The following IFT80 variants were observed in gnomAD, a reference collection of about 807,000 sequenced individuals.
IFT80 encodes intraflagellar transport 80, also known as intraflagellar transport protein 80 homolog.
A neutral mutation model predicts 107.9 loss-of-function variants in IFT80; 79 were observed. That is an observed-to-expected ratio of 0.73 (90% CI 0.61 to 0.88). The LOEUF (loss-of-function observed/expected upper bound fraction) is 0.88, where lower values mean the gene tolerates loss of function less well. IFT80 is among the 40% of genes least tolerant of loss of function. The pLI is 0.00. For synonymous variants in IFT80, 299 were observed against 300.9 expected, an observed-to-expected ratio of 0.99 and a Z score of 0.07; for missense variants, 797 against 914.2, an observed-to-expected ratio of 0.87 and a Z score of 1.65.
chr3:160,391,886 C>T (rs1713412735), intron 1 of IFT80, among the ~76,000 whole-genome samples: 1 of 152,192 alleles, frequency 6.6e-6, no homozygotes, highest in South Asian at 2.1e-4. Flanking sequence ...TCATCAACAG[C>T]TAATCCTAAT....
intron 19 of IFT80, among the ~76,000 whole-genome samples, chr3:160,264,933 A>G (rs1713179737): frequency 6.6e-6 from 1 of 152,020 alleles, no homozygotes; most frequent in South Asian, 2.1e-4. Flanking sequence ...AGCTTCTACT[A>G]TTCATCCTCT....
chr3:160,372,569 T>C (rs1054744823), intron 5 of IFT80, among the ~76,000 whole-genome samples: 2 of 152,204 alleles, frequency 1.3e-5, no homozygotes, highest in African/African-American at 4.8e-5. Context: ...ATCAGATGCA[T>C]AGTTCTACAG....
At chr3:160,287,871 T>C (rs745827738) in intron 12 of IFT80, among the ~76,000 whole-genome samples, 13 of 152,168 alleles carry the variant, frequency 8.5e-5, no homozygotes, top group South Asian at 2.1e-4. Context: ...GGGAAAGATA[T>C]TGGATTCTTG....
chr3:160,273,417 G>A (rs1250300271), intron 18 of IFT80, among the ~76,000 whole-genome samples: 1 of 152,156 alleles, frequency 6.6e-6, no homozygotes, highest in African/African-American at 2.4e-5. Flanking sequence ...GATCAGTGAT[G>A]ACATTAAGCA....
intron 8 of IFT80, among the ~76,000 whole-genome samples, chr3:160,329,867 T>C (rs564183448): frequency 1.4e-4 from 22 of 152,284 alleles, no homozygotes; most frequent in Admixed American, 1.1e-3. Flanking sequence ...AGGGTCCTCA[T>C]CCATGAACCT....
At chr3:160,353,576 TC>T (rs1314089187) in intron 8 of IFT80, among the ~76,000 whole-genome samples, 1 of 152,220 alleles carries the variant, frequency 6.6e-6, no homozygotes. Flanking sequence ...ACAAGAGGTT[TC>T]TTTTGCCTGT....
chr3:160,354,666 T>TA (rs775996435), intron 8 of IFT80, among the ~76,000 whole-genome samples: 37 of 151,578 alleles, frequency 2.4e-4, no homozygotes, highest in East Asian at 3.9e-4. Flanking sequence ...AATAAATAAA[T>TA]AAATAAAATA....
At chr3:160,299,445 G>C (rs1716239898) in intron 12 of IFT80, among the ~76,000 whole-genome samples, 1 of 152,076 alleles carries the variant, frequency 6.6e-6, no homozygotes, top group African/African-American at 2.4e-5. Flanking sequence ...AGATTTTTTG[G>C]TAACAGTAAT....
At chr3:160,275,220 C>T (rs935596066) in intron 18 of IFT80, among the ~76,000 whole-genome samples, 1 of 152,144 alleles carries the variant, frequency 6.6e-6, no homozygotes, top group Non-Finnish European at 1.5e-5. Context: ...ATTTCAACCT[C>T]TGTATGTTCC....
chr3:160,344,969 G>A (rs1022044597), intron 8 of IFT80, among the ~76,000 whole-genome samples: 12 of 152,098 alleles, frequency 7.9e-5, no homozygotes, highest in Admixed American at 4.6e-4. Flanking sequence ...TGGAGGGAAG[G>A]GAACACTCAT....
At chr3:160,303,695 AT>A (rs1285951164) in intron 11 of IFT80, among the ~76,000 whole-genome samples, 1 of 152,172 alleles carries the variant, frequency 6.6e-6, no homozygotes, top group African/African-American at 2.4e-5. Flanking sequence ...ACCCTGAATA[AT>A]TTTCTAAGAC....
In IFT80 at chr3:160,349,066, T is replaced by G. The variant is rs543171830; in HGVS notation, c.777+6947A>C. Among the ~76,000 whole-genome samples the G allele has an allele frequency of 1.2e-4, 18 of 152,224 alleles. No individual in the cohort carries two copies. In the South Asian group the frequency reaches 3.5e-3, roughly 30 times the overall value. On this transcript the variant is annotated intron_variant, in intron 8 of 19. Transcript: ENST00000326448. ...ACACTTTTTTTAATTGGGTACATTT[T>G]AAATGGGTAAAATGTGTCATATACA...
intron 6 of IFT80, among the ~76,000 whole-genome samples, chr3:160,363,406 G>A (rs960498053): frequency 6.6e-6 from 1 of 152,096 alleles, no homozygotes; most frequent in African/African-American, 2.4e-5. Flanking sequence ...TTATAGATAC[G>A]AGGAATCAGT....
chr3:160,267,487 G>A (rs928636826), intron 19 of IFT80, among the ~76,000 whole-genome samples: 1 of 152,148 alleles, frequency 6.6e-6, no homozygotes, highest in African/African-American at 2.4e-5. Flanking sequence ...ATAAATGAAT[G>A]AATAAAAGGC....
rs763798508 is a variant in IFT80, at chr3:160,268,460, A to G, written c.2176T>C (p.Phe726Leu). Residue 726 changes from phenylalanine (F) to leucine (L), a missense_variant, in exon 19 of 20, where the codon TTT becomes CTT. Coordinates refer to ENST00000326448, the MANE Select transcript of IFT80 (RefSeq NM_020800.3). ...LAYRQKFLET[F>L]GKQETNKRYL... The stretch of plus-strand genomic sequence containing the variant: ...CGTTTATTAGTTTCCTGTTTACCAA[A>G]TGTCTCCAAAAACTTTTGACGGTAA... 2 of 1,613,436 alleles carry G rather than the reference A, an allele frequency of 1.2e-6. No individual in the cohort carries two copies. The highest frequency in any genetic ancestry group is 2.2e-5 in the South Asian group (2 of 91,078).
intron 3 of IFT80, chr3:160,377,742 G>C: frequency 2.5e-6 from 1 of 403,662 alleles, no homozygotes; most frequent in East Asian, 4.5e-5. Context: ...AAATGCATAT[G>C]CTTACGTGGT....
chr3:160,365,496 C>T (rs1356662094), intron 6 of IFT80, among the ~76,000 whole-genome samples: 1 of 152,052 alleles, frequency 6.6e-6, no homozygotes. Flanking sequence ...TTCCTGGTCT[C>T]CTTGGTTGAC....
At chr3:160,301,140 T>G in intron 11 of IFT80, 94 bp from the exon 12 acceptor site, 2 of 1,173,296 alleles carry the variant, frequency 1.7e-6, no homozygotes, top group Non-Finnish European at 2.4e-6. Flanking sequence ...GGAAAAAAAA[T>G]CTAAATCTTA....
intron 12 of IFT80, chr3:160,299,335 G>C: frequency 3.2e-6 from 2 of 620,540 alleles, no homozygotes; most frequent in South Asian, 3.5e-5. Flanking sequence ...AGTATAAGAG[G>C]TGCTATTATC....
Sources: gnomAD v4.1 joint callset for allele counts (sites outside exome capture counted in the v4.1 genomes callset) on GRCh38, gnomAD v4.1.1 for gene constraint, MANE v1.5 for transcripts, NCBI Gene and HGNC (gene_info 2026-07-23, HGNC 2026-07-21) for gene names.